Variants in GMEB1 observed in about 807,000 individuals in gnomAD.
GMEB1 encodes the protein glucocorticoid modulatory element-binding protein 1.
A neutral mutation model predicts 52.4 loss-of-function variants in GMEB1; 6 were observed. That is an observed-to-expected ratio of 0.11 (90% CI 0.06 to 0.23). The LOEUF is 0.23. Among genes scored for constraint, GMEB1 ranks in the 10% least tolerant of loss-of-function variants. The pLI, the probability that GMEB1 is intolerant of heterozygous loss-of-function variation, is 1.00. For missense variants in GMEB1, 486 were observed against 685.6 expected (o/e 0.71, Z 3.25); for synonymous variants, 255 against 244.9 (o/e 1.04, Z -0.38).
intron 8 of GMEB1, among the ~76,000 whole-genome samples, chr1:28,708,417 GC>G (rs1413047128): frequency 6.6e-6 from 1 of 151,898 alleles, no homozygotes; most frequent in African/African-American, 2.4e-5. Flanking sequence ...ACCCACCTCG[GC>G]CTCCCAAAGT....
chr1:28,670,153 T>TTTTATTTATTTATTTATTTATTTA lies in GMEB1; in HGVS notation c.-31+1337_-31+1338insATTTATTTATTTATTTATTTATTT, dbSNP rs71027286. Among the ~76,000 whole-genome samples the TTTTATTTATTTATTTATTTATTTA allele has an allele frequency of 6.6e-3, 995 of 150,808 alleles. 25 individuals are homozygous for TTTTATTTATTTATTTATTTATTTA. The highest frequency in any genetic ancestry group is 0.043 in the Admixed American group (644 of 15,058). The stretch of plus-strand genomic sequence containing the variant: ...TTACCAAAGTGCATTTGGGGACCCT[T>TTTTATTTATTTATTTATTTATTTA]TTTATTTATTTATTTATTTATTTGT... On this transcript the variant is annotated intron_variant, in intron 1 of 9. Coordinates refer to ENST00000373816, the MANE Select transcript of GMEB1 (RefSeq NM_001319674.2).
rs1251978043 is a variant in GMEB1 at position 28,704,243 on chromosome 1, A to C, written c.782A>C (p.Glu261Ala). ...KGIADVGLME[E>A]VVCNIQKEIE... is the part of the protein sequence containing the mutation. Reference sequence around the variant, plus strand: ...ATAGCTGATGTAGGGCTGATGGAAGAGGTTGTCTGCAATATACAGAAGGAA... The same window carrying C: ...ATAGCTGATGTAGGGCTGATGGAAGCGGTTGTCTGCAATATACAGAAGGAA... The change falls in exon 8 of 10, where the codon GAG becomes GCG. Residue 261 changes from glutamate to alanine, a missense_variant. Around this residue, in one of 5 missense-constraint regions of GMEB1, gnomAD observed 200 missense variants for 253.5 expected, o/e 0.79. Coordinates refer to ENST00000373816, the MANE Select transcript of GMEB1 (RefSeq NM_001319674.2). 1 of 1,613,498 alleles carries C rather than the reference A, an allele frequency of 6.2e-7. No homozygotes were observed. Among genetic ancestry groups the C allele is most frequent in the African/African-American group, 1.3e-5 (1 of 74,844 alleles).
chr1:28,685,376 A>G (rs975206376), intron 2 of GMEB1, among the ~76,000 whole-genome samples: 1 of 151,884 alleles, frequency 6.6e-6, no homozygotes, highest in African/African-American at 2.4e-5. Context: ...TGCCTGGCCA[A>G]TTTTTGTATT....
In GMEB1 at chr1:28,700,626, C is replaced by T. The variant is rs527664530; in HGVS notation, c.599-1812C>T. ...CTTGAACCTGGGACGCGGAGACTGC[C>T]GTGAGCCGAGATCATGCCACTGTAC... On this transcript the variant is annotated intron_variant, in intron 6 of 9. Transcript: ENST00000373816. Among the ~76,000 whole-genome samples, 41 of 149,902 alleles carry T rather than the reference C, an allele frequency of 2.7e-4. 2 individuals are homozygous for T. The South Asian group carries it at 5.7e-3, about 21-fold the overall frequency.
rs527266285 is a variant in GMEB1 at position 28,675,782 on chromosome 1, G to A, written c.-31+6943G>A. Among the ~76,000 whole-genome samples the A allele has an allele frequency of 1.6e-4, 24 of 152,012 alleles. No individual in the cohort carries two copies. The South Asian group carries it at 3.3e-3, about 21-fold the overall frequency. ...TTCACAATGCATACTCCAAAGCCCC[G>A]AACGATCAACTCACTCATCTTGCCT... On this transcript the variant is annotated intron_variant, in intron 1 of 9. Transcript: ENST00000373816.
intron 6 of GMEB1, among the ~76,000 whole-genome samples, chr1:28,698,489 C>G (rs1423421001): frequency 2.7e-5 from 4 of 150,106 alleles, no homozygotes; most frequent in African/African-American, 7.4e-5. Context: ...TCCTGGTTAA[C>G]ACGGTGGAAC....
rs143969790 is a variant in GMEB1 at position 28,714,715 on chromosome 1, A to G, written c.1634A>G (p.Glu545Gly). 598 of 1,614,028 alleles carry G rather than the reference A, an allele frequency of 3.7e-4. No individual in the cohort carries two copies. The highest frequency in any genetic ancestry group is 4.9e-4 in the Non-Finnish European group (575 of 1,180,014). Residue 545 changes from glutamate (E) to glycine (G), a missense_variant, in exon 10 of 10, where the codon GAG becomes GGG. Physicochemically the swap from Glu to Gly is moderately conservative, Grantham distance 98. Around this residue, in one of 5 missense-constraint regions of GMEB1, gnomAD observed 153 missense variants for 200.8 expected, o/e 0.76. Transcript: ENST00000373816. ...AGGACTGAGGAGAAAGTTGTGGCTG[A>G]GATGGAAGAACACCAGCATCAAGTT... is the stretch of plus-strand genomic sequence containing the variant. ...ELRTEEKVVAEMEEHQHQVHN... is the reference protein window; with the variant it reads ...ELRTEEKVVAGMEEHQHQVHN...
intron 2 of GMEB1, among the ~76,000 whole-genome samples, chr1:28,687,400 T>TAAAAAAAA (rs1669730698): frequency 4.4e-5 from 1 of 22,904 alleles, no homozygotes; most frequent in Non-Finnish European, 9.6e-5. Flanking sequence ...AAAAAGACAG[T>TAAAAAAAA]GGAGAATAAT....
intron 2 of GMEB1, among the ~76,000 whole-genome samples, chr1:28,687,741 G>A (rs999434085): frequency 6.6e-6 from 1 of 152,070 alleles, no homozygotes; most frequent in African/African-American, 2.4e-5. Context: ...GATAGAGACA[G>A]GGAGGGAGGA....
intron 2 of GMEB1, among the ~76,000 whole-genome samples, 156 bp downstream of exon 2, chr1:28,683,896 A>G (rs1669509898): frequency 6.6e-6 from 1 of 152,116 alleles, no homozygotes. Flanking sequence ...TGCGTGCTGT[A>G]TTTGTCATTT....
intron 7 of GMEB1, among the ~76,000 whole-genome samples, chr1:28,703,309 A>T (rs1392283643): frequency 6.6e-6 from 1 of 152,154 alleles, no homozygotes; most frequent in Non-Finnish European, 1.5e-5. Context: ...TTATTCATTT[A>T]ATAGGTATTT....
chr1:28,711,167 C>T (rs561988983), intron 9 of GMEB1, among the ~76,000 whole-genome samples: 1 of 151,594 alleles, frequency 6.6e-6, no homozygotes, highest in African/African-American at 2.4e-5. Context: ...GTGCCTGTAG[C>T]CCCAGCTACT....
At chr1:28,698,767 T>G (rs1408341214) in intron 6 of GMEB1, among the ~76,000 whole-genome samples, 1 of 151,858 alleles carries the variant, frequency 6.6e-6, no homozygotes, top group African/African-American at 2.4e-5. Context: ...GAGGATCACC[T>G]GAGGTCAGGA....
At position 28,679,029 on chromosome 1, in the gene GMEB1, A is replaced by T. The variant is rs1009500438; in HGVS notation, c.-30-4554A>T. ...GGGTTCAAGCAATTCTCCTGCCTCAACCTCCGGCTAATTATGCCTGGCTAA... is the reference window on the plus strand; with the variant it reads ...GGGTTCAAGCAATTCTCCTGCCTCATCCTCCGGCTAATTATGCCTGGCTAA... On this transcript the variant is annotated intron_variant, in intron 1 of 9. Transcript: ENST00000373816. 2.0e-5 allele frequency among the ~76,000 whole-genome samples: 3 copies of T among 150,094 alleles called. No homozygotes were observed. The East Asian group carries it at 5.9e-4, about 29-fold the overall frequency.
In GMEB1 at chr1:28,710,450, A is replaced by C. The variant is rs949316014; in HGVS notation, c.869-70A>C. On this transcript the variant is annotated intron_variant, in intron 8 of 9. Transcript: ENST00000373816. ...TAATTTCTGGTTGTTTCATATTTAT[A>C]AACAGCACAATGGAGAGTGGTGGAA... 3 of 1,246,444 alleles carry C rather than the reference A, an allele frequency of 2.4e-6. No homozygotes were observed. In the African/African-American group the frequency reaches 4.6e-5, roughly 19 times the overall value. The allele number at this position is 1,246,444 out of a possible 1,614,324, so 77.2% of individuals were successfully genotyped here. A position where few individuals can be genotyped will look rare whatever the true frequency, so the allele number is the denominator to read the frequency against.
intron 2 of GMEB1, among the ~76,000 whole-genome samples, chr1:28,687,899 GGAA>G (rs1669761893): frequency 6.6e-6 from 1 of 151,998 alleles, no homozygotes; most frequent in East Asian, 1.9e-4. Context: ...GGAGAGTATA[GGAA>G]GAAGAATAGT....
At chr1:28,704,430 T>C in intron 8 of GMEB1, 101 bp downstream of exon 8, 1 of 869,248 alleles carries the variant, frequency 1.2e-6, no homozygotes, top group South Asian at 2.5e-5. Flanking sequence ...TAGGTATTAT[T>C]ATCTTAATTT....
chr1:28,707,710 A>G (rs1670846963), intron 8 of GMEB1, among the ~76,000 whole-genome samples: 1 of 152,166 alleles, frequency 6.6e-6, no homozygotes, highest in Non-Finnish European at 1.5e-5. Context: ...ACCATCAAAT[A>G]GAGATGTCAC....
intron 3 of GMEB1, 38 bp downstream of exon 3, chr1:28,690,224 T>G (rs1557506784): frequency 1.1e-5 from 10 of 951,988 alleles, no homozygotes; most frequent in East Asian, 5.3e-5. Context: ...TTTTTTTTTT[T>G]GTCATTCTAA....
Sources: allele counts gnomAD v4.1 joint callset (sites outside exome capture counted in the v4.1 genomes callset), GRCh38; gene constraint gnomAD v4.1.1; regional missense constraint gnomAD v4.1.1; transcripts MANE v1.5; gene names NCBI Gene and HGNC (gene_info 2026-07-23, HGNC 2026-07-21).